The following NECTIN1 variants were observed in gnomAD, a reference collection of about 807,000 sequenced individuals.
NECTIN1 encodes nectin-1.
A neutral mutation model predicts 48.0 loss-of-function variants in NECTIN1; 23 were observed. The ratio of observed to expected loss-of-function variants is 0.48; its 90% CI spans 0.34 to 0.68. The LOEUF is 0.68. Among genes scored for constraint, NECTIN1 ranks in the 30% least tolerant of loss-of-function variants. NECTIN1 has a pLI of 0.01. For synonymous variants in NECTIN1, 270 were observed against 288.9 expected, an observed-to-expected ratio of 0.93 and a Z score of 0.66; for missense variants, 591 against 709.9, an observed-to-expected ratio of 0.83 and a Z score of 1.90.
At chr11:119,666,221 C>T (rs563078309) in intron 5 of NECTIN1, among the ~76,000 whole-genome samples, 2 of 152,200 alleles carry the variant, frequency 1.3e-5, no homozygotes, top group African/African-American at 2.4e-5. Context: ...ACACGCTTGC[C>T]GTCATAGCAA....
intron 5 of NECTIN1, chr11:119,674,367 A>G (rs1591455345): frequency 6.9e-7 from 1 of 1,451,534 alleles, no homozygotes; most frequent in East Asian, 2.4e-5. Flanking sequence ...ATTAATAATA[A>G]TGATGATGAT....
chr11:119,664,700 G>GGGGGGGGGT lies in NECTIN1; in HGVS notation c.*46_*47insACCCCCCCC. ...GGGGGGTGGGCAGGGGGCGTGCGGG[G>GGGGGGGGGT]AGGGGCTGGGGAGGAGCGGTCACAG... On this transcript the variant is annotated 3_prime_UTR_variant, in exon 6 of 6. Transcript: ENST00000264025. The GGGGGGGGGT allele has an allele frequency of 6.9e-7, 1 of 1,451,804 alleles. No individual in the cohort carries two copies. The highest frequency in any genetic ancestry group is 9.4e-7 in the Non-Finnish European group (1 of 1,066,270). 89.9% of individuals were successfully genotyped at this position (1,451,804 alleles called of 1,614,324 possible).
chr11:119,657,910 G>T (rs1415540808), downstream of NECTIN1, among the ~76,000 whole-genome samples: 2 of 77,902 alleles, frequency 2.6e-5, no homozygotes, highest in East Asian at 3.8e-4. Flanking sequence ...GACAAACCAA[G>T]ACCCCGTCTC....
intron 1 of NECTIN1, among the ~76,000 whole-genome samples, chr11:119,705,107 G>A (rs1865525802): frequency 1.3e-5 from 2 of 152,158 alleles, no homozygotes; most frequent in East Asian, 3.9e-4. Flanking sequence ...GGCCAGGGTG[G>A]AACCATAAGG....
rs11217402 is a variant in NECTIN1, at chr11:119,691,646, G to A, written c.80-12881C>T. ...AGGCAGAGGCTTCCTTGTTTTTCCT[G>A]GTGCTAATGTCAGCCTTGGCACTTA... On this transcript the variant is annotated intron_variant, in intron 1 of 5. Coordinates refer to ENST00000264025, the MANE Select transcript of NECTIN1 (RefSeq NM_002855.5). Among the ~76,000 whole-genome samples, 560 of 152,304 alleles carry A rather than the reference G, an allele frequency of 3.7e-3. 4 individuals are homozygous for A. In the East Asian group the frequency reaches 0.047, roughly 13 times the overall value.
intron 1 of NECTIN1, among the ~76,000 whole-genome samples, chr11:119,689,924 C>T (rs1487945648): frequency 6.6e-6 from 1 of 152,264 alleles, no homozygotes; most frequent in Admixed American, 6.5e-5. Flanking sequence ...TCTGCATAGG[C>T]ACCAAACCTG....
At chr11:119,671,796 G>A (rs1033925324) in intron 5 of NECTIN1, among the ~76,000 whole-genome samples, 4 of 152,180 alleles carry the variant, frequency 2.6e-5, no homozygotes, top group African/African-American at 9.7e-5. Flanking sequence ...GCAGGGCCTC[G>A]GCAAGCTGGG....
At chr11:119,639,703 T>C (rs1310216534) in intron 6 of NECTIN1, 1 of 889,340 alleles carries the variant, frequency 1.1e-6, no homozygotes, top group Non-Finnish European at 1.8e-6. Context: ...CTCAGGAGGG[T>C]CAGCTCTTCC....
rs1230310713 is a variant in NECTIN1, at chr11:119,672,972, C to T, written c.1003+2187G>A. The stretch of plus-strand genomic sequence containing the variant: ...CACCTTCTGCCCTGCCCCAGTCACT[C>T]CTCATTTCCCTTTCCAGATGTGCCC... On this transcript the variant is annotated intron_variant, in intron 5 of 5. Coordinates refer to ENST00000264025, the MANE Select transcript of NECTIN1 (RefSeq NM_002855.5). This position sits in a 1 kb window ranked among gnomAD's most constrained non-coding sequence, Gnocchi z 4.3. Among the ~76,000 whole-genome samples the T allele has an allele frequency of 6.6e-6, 1 of 152,204 alleles. No homozygotes were observed. Among genetic ancestry groups the T allele is most frequent in the Non-Finnish European group, 1.5e-5 (1 of 68,022 alleles).
At chr11:119,658,433 C>T (rs1218061695), downstream of NECTIN1, among the ~76,000 whole-genome samples, 2 of 152,158 alleles carry the variant, frequency 1.3e-5, no homozygotes, top group Non-Finnish European at 2.9e-5. Flanking sequence ...AGGTAGAACC[C>T]AAGGACTGCT....
intron 1 of NECTIN1, among the ~76,000 whole-genome samples, chr11:119,716,280 T>C (rs1009123953): frequency 1.3e-5 from 2 of 151,588 alleles, no homozygotes; most frequent in Admixed American, 6.6e-5. Flanking sequence ...GCCAGGAGGG[T>C]TCCTGGGCCT....
rs1271355635 is a variant in NECTIN1, at chr11:119,683,447, G to A, written c.80-4682C>T. On this transcript the variant is annotated intron_variant, in intron 1 of 5. Coordinates refer to ENST00000264025, the MANE Select transcript of NECTIN1 (RefSeq NM_002855.5). The surrounding 1 kb of genome is among the most constrained non-coding windows in gnomAD (Gnocchi z 4.0). ...GTCCCTCCTAGAATATAACCTCAGT[G>A]CCTCCATTGCCCCTTGTGAGAAATG... Among the ~76,000 whole-genome samples, 1 of 151,976 alleles carries A rather than the reference G, an allele frequency of 6.6e-6. No homozygotes were observed. The highest frequency in any genetic ancestry group is 2.4e-5 in the African/African-American group (1 of 41,342).
At chr11:119,688,645 A>G (rs1156352496) in intron 1 of NECTIN1, among the ~76,000 whole-genome samples, 5 of 152,168 alleles carry the variant, frequency 3.3e-5, no homozygotes, top group African/African-American at 1.2e-4. Context: ...GGGATGGTGG[A>G]GCTCACGAGG....
At chr11:119,650,605 C>T (rs980064441) in intron 5 of NECTIN1, among the ~76,000 whole-genome samples, 1 of 152,174 alleles carries the variant, frequency 6.6e-6, no homozygotes, top group Non-Finnish European at 1.5e-5. Flanking sequence ...TGGCTCTGCC[C>T]TTCACAGTTT....
At chr11:119,724,466 A>G (rs541927059) in intron 1 of NECTIN1, among the ~76,000 whole-genome samples, 1 of 152,272 alleles carries the variant, frequency 6.6e-6, no homozygotes, top group East Asian at 1.9e-4. Context: ...AGCATCATAG[A>G]GGCTTCCCAC....
intron 5 of NECTIN1, chr11:119,641,279 C>T (rs1296232296): frequency 6.6e-6 from 1 of 152,426 alleles, no homozygotes; most frequent in Non-Finnish European, 1.5e-5. Context: ...ATCCTCCCGC[C>T]TCAGCTTCCC....
At chr11:119,675,444 G>T (rs1864930476) in intron 4 of NECTIN1, 134 bp from the exon 5 acceptor site, 1 of 767,162 alleles carries the variant, frequency 1.3e-6, no homozygotes, top group Non-Finnish European at 2.2e-6. Flanking sequence ...TTTGAAGGAA[G>T]AAAAATAATA....
Position 119,664,531 on chromosome 11 carries a change from C to T in NECTIN1, c.*216G>A, listed in dbSNP as rs1864726664. 1.4e-6 allele frequency: 2 copies of T among 1,421,742 alleles called. No homozygotes were observed. Among genetic ancestry groups the T allele is most frequent in the East Asian group, 2.5e-5 (1 of 39,330 alleles). The allele number at this position is 1,421,742 out of a possible 1,614,324, so 88.1% of individuals were successfully genotyped here. On this transcript the variant is annotated 3_prime_UTR_variant, in exon 6 of 6. Coordinates refer to ENST00000264025, the MANE Select transcript of NECTIN1 (RefSeq NM_002855.5). The stretch of plus-strand genomic sequence containing the variant: ...ACACTAAAGCCACAGTCGAACACAA[C>T]ACCATGGGGAAGGGCGGAGGAGAGG...
chr11:119,686,809 T>C (rs1865165641), intron 1 of NECTIN1, among the ~76,000 whole-genome samples: 1 of 152,188 alleles, frequency 6.6e-6, no homozygotes, highest in African/African-American at 2.4e-5. Context: ...GATTGCGTGT[T>C]CCTGCACCCC....
Sources: allele counts gnomAD v4.1 joint callset (sites outside exome capture counted in the v4.1 genomes callset), GRCh38; gene constraint gnomAD v4.1.1; non-coding constraint Gnocchi (gnomAD v3.1); transcripts MANE v1.5; gene names NCBI Gene and HGNC (gene_info 2026-07-23, HGNC 2026-07-21).